Variants in KIF16B observed in about 807,000 individuals in gnomAD.
KIF16B encodes kinesin-like protein KIF16B.
KIF16B carries 98 observed loss-of-function variants against 156.3 expected under a neutral mutation model. The ratio of observed to expected loss-of-function variants is 0.63; its 90% confidence interval spans 0.53 to 0.74. The LOEUF (loss-of-function observed/expected upper bound fraction) is 0.74, where lower values mean the gene tolerates loss of function less well. Ranked by LOEUF, KIF16B falls within the 30% of genes least tolerant of loss-of-function variation. The pLI, the probability that KIF16B is intolerant of heterozygous loss-of-function variation, is 0.00. For synonymous variants in KIF16B, 564 were observed against 583.7 expected (o/e 0.97, Z 0.49); for missense variants, 1,421 against 1,606.5 (o/e 0.88, Z 1.97).
intron 24 of KIF16B, among the ~76,000 whole-genome samples, chr20:16,318,626 TA>T (rs1355073602): frequency 6.6e-6 from 1 of 151,756 alleles, no homozygotes; most frequent in Non-Finnish European, 1.5e-5. Flanking sequence ...AAAAGAAAAT[TA>T]AAAAGTATTG....
intron 12 of KIF16B, among the ~76,000 whole-genome samples, chr20:16,484,378 C>G (rs1398330963): frequency 6.6e-6 from 1 of 152,182 alleles, no homozygotes. Context: ...CAGTCATCTC[C>G]CCCTGTTAAT....
At chr20:16,544,128 G>A (rs761169832) in intron 1 of KIF16B, among the ~76,000 whole-genome samples, 43 of 152,044 alleles carry the variant, frequency 2.8e-4, no homozygotes, top group Admixed American at 5.9e-4. Flanking sequence ...GAATCGAGAC[G>A]CGCACTTAGC....
intron 11 of KIF16B, 143 bp downstream of exon 11, chr20:16,497,470 T>C (rs571414723): frequency 9.2e-5 from 62 of 670,470 alleles, no homozygotes; most frequent in East Asian, 5.0e-4. Flanking sequence ...ATCGTGCTTC[T>C]TCAAAAATGA....
intron 25 of KIF16B, among the ~76,000 whole-genome samples, chr20:16,294,902 C>T (rs1248811914): frequency 6.6e-6 from 1 of 152,114 alleles, no homozygotes; most frequent in Non-Finnish European, 1.5e-5. Context: ...ACGCAGGGAG[C>T]CATCTTTTGC....
At chr20:16,444,373 C>CAAA (rs11483828) in intron 12 of KIF16B, among the ~76,000 whole-genome samples, 1 of 143,472 alleles carries the variant, frequency 7.0e-6, no homozygotes, top group Non-Finnish European at 1.5e-5. Flanking sequence ...TCAGATGGTC[C>CAAA]AAAAAAAAAA....
At chr20:16,370,239 T>C (rs1050805961) in intron 22 of KIF16B, among the ~76,000 whole-genome samples, 4 of 152,140 alleles carry the variant, frequency 2.6e-5, no homozygotes, top group African/African-American at 9.7e-5. Flanking sequence ...TCACAGTCTA[T>C]AAAATGGACA....
At chr20:16,429,105 T>C in intron 13 of KIF16B, 101 bp from the exon 14 acceptor site, 1 of 954,792 alleles carries the variant, frequency 1.0e-6, no homozygotes. Flanking sequence ...GCCAATGGGA[T>C]GAACAACATC....
In KIF16B at chr20:16,573,329, C is replaced by G. The variant is rs534312180; in HGVS notation, c.-54G>C. ...TCCCACTAGCCCAGAACTCCGCGGTCGCCGGCGACGCTGGCTACTCAGATC... is the reference window on the plus strand; with the variant it reads ...TCCCACTAGCCCAGAACTCCGCGGTGGCCGGCGACGCTGGCTACTCAGATC... On this transcript the variant is annotated 5_prime_UTR_variant, in exon 1 of 26. Transcript: ENST00000354981. 1.3e-5 allele frequency: 20 copies of G among 1,587,156 alleles called. No individual in the cohort carries two copies. The highest frequency in any genetic ancestry group is 2.3e-5 in the East Asian group (1 of 44,228).
intron 23 of KIF16B, among the ~76,000 whole-genome samples, chr20:16,347,917 T>C (rs1468253379): frequency 6.6e-6 from 1 of 152,232 alleles, no homozygotes; most frequent in Non-Finnish European, 1.5e-5. Context: ...GTACAGAGTT[T>C]ATCTAATAGA....
chr20:16,379,911 T>C lies in KIF16B; in HGVS notation c.2091A>G (p.Gln697=), dbSNP rs771082063. 4 of 1,614,214 alleles carry C rather than the reference T, an allele frequency of 2.5e-6. No homozygotes were observed. The South Asian group carries it at 4.4e-5, about 18-fold the overall frequency. ...GGACGCGGAGAAAGGTCTCTTCTTC[T>C]TGTCTCTTCTTCTGCAGCTCGATTT... ...QQEIELQKKR[Q]EEETFLRVQE... The change falls in exon 19 of 26, where the codon CAA becomes CAG. Residue 697 remains glutamine (Q), a synonymous_variant. Transcript: ENST00000354981.
chr20:16,482,137 T>C (rs2067999728), intron 12 of KIF16B, among the ~76,000 whole-genome samples: 1 of 152,084 alleles, frequency 6.6e-6, no homozygotes, highest in South Asian at 2.1e-4. Context: ...GTAATAGACA[T>C]CCACATGCAA....
intron 23 of KIF16B, among the ~76,000 whole-genome samples, chr20:16,340,662 G>A (rs1176264816): frequency 6.6e-6 from 1 of 152,164 alleles, no homozygotes; most frequent in Non-Finnish European, 1.5e-5. Context: ...AGCTTGTGGG[G>A]CTTTAGCCTA....
intron 1 of KIF16B, among the ~76,000 whole-genome samples, chr20:16,569,663 G>C (rs2071387070): frequency 6.6e-6 from 1 of 152,042 alleles, no homozygotes; most frequent in Non-Finnish European, 1.5e-5. Flanking sequence ...CTTTCCCTTT[G>C]CCTGAGGCTC....
In KIF16B at chr20:16,532,880, G is replaced by A. The variant is rs148258469; in HGVS notation, c.48-4440C>T. Among the ~76,000 whole-genome samples, 6 of 152,240 alleles carry A rather than the reference G, an allele frequency of 3.9e-5. No homozygotes were observed. In the East Asian group the frequency reaches 9.7e-4, roughly 25 times the overall value. ...CCCACCACTCCTGCTGGAAGCCAGA[G>A]ACTCCATAACTCCCCATCTCAGAAC... On this transcript the variant is annotated intron_variant, in intron 1 of 25. Coordinates refer to ENST00000354981, the MANE Select transcript of KIF16B (RefSeq NM_024704.5).
intron 10 of KIF16B, among the ~76,000 whole-genome samples, chr20:16,503,524 C>T (rs929457455): frequency 1.5e-4 from 23 of 152,128 alleles, no homozygotes; most frequent in Admixed American, 1.5e-3. Flanking sequence ...CATAATCCCA[C>T]GTGGAAAGCA....
chr20:16,424,105 T>C (rs1417926182), intron 15 of KIF16B, among the ~76,000 whole-genome samples: 1 of 152,136 alleles, frequency 6.6e-6, no homozygotes, highest in East Asian at 1.9e-4. Flanking sequence ...AAGCAGGAAA[T>C]GCTGCATTTG....
intron 1 of KIF16B, among the ~76,000 whole-genome samples, chr20:16,538,459 G>A (rs995984440): frequency 6.6e-6 from 1 of 152,134 alleles, no homozygotes; most frequent in African/African-American, 2.4e-5. Context: ...TTGGTGAATT[G>A]GATTTCTCAA....
Position 16,499,140 on chromosome 20 carries a change from C to T in KIF16B, c.1177-1462G>A, listed in dbSNP as rs374929965. Among the ~76,000 whole-genome samples, 47 of 152,210 alleles carry T rather than the reference C, an allele frequency of 3.1e-4. 1 individual carries two copies. In the South Asian group the frequency reaches 9.1e-3, roughly 30 times the overall value. ...CGTGAGGGGTCGAGATTCACATAGG[C>T]GTCTGTGGGACCCACCCTGGTTAGA... On this transcript the variant is annotated intron_variant, in intron 10 of 25. Coordinates refer to ENST00000354981, the MANE Select transcript of KIF16B (RefSeq NM_024704.5).
intron 1 of KIF16B, among the ~76,000 whole-genome samples, chr20:16,530,920 C>A (rs2069724821): frequency 6.6e-6 from 1 of 152,052 alleles, no homozygotes; most frequent in African/African-American, 2.4e-5. Context: ...AGGCTGGTCT[C>A]AAACTCCTGA....
Sources: gnomAD v4.1 joint callset for allele counts (sites outside exome capture counted in the v4.1 genomes callset) on GRCh38, gnomAD v4.1.1 for gene constraint, MANE v1.5 for transcripts, NCBI Gene and HGNC (gene_info 2026-07-23, HGNC 2026-07-21) for gene names.